ARB2A: variants seen among roughly 807,000 people sequenced by gnomAD.
ARB2A encodes the protein ARB2 cotranscriptional regulator A.
the ARB2A span, among the ~76,000 whole-genome samples, chr5:93,995,179 G>C: frequency 6.6e-6 from 1 of 152,102 alleles, no homozygotes; most frequent in Non-Finnish European, 1.5e-5. Context: ...TAAATTTGTA[G>C]CCACTTCCTG....
the ARB2A span, among the ~76,000 whole-genome samples, chr5:93,942,244 T>C: frequency 6.6e-6 from 1 of 152,182 alleles, no homozygotes; most frequent in African/African-American, 2.4e-5. Flanking sequence ...GGCATGGGGC[T>C]GGGGTGGCCT....
the ARB2A span, among the ~76,000 whole-genome samples, chr5:93,999,685 C>G: frequency 6.6e-6 from 1 of 151,912 alleles, no homozygotes; most frequent in Non-Finnish European, 1.5e-5. Flanking sequence ...CATAATCACC[C>G]AAAGCCCATA....
chr5:93,680,398 T>A, the ARB2A span, among the ~76,000 whole-genome samples: 1 of 152,108 alleles, frequency 6.6e-6, no homozygotes, highest in African/African-American at 2.4e-5. Context: ...CTCAGAGAAC[T>A]TAAGTGATTT....
At chr5:94,082,000 C>T in the ARB2A span, among the ~76,000 whole-genome samples, 5 of 152,288 alleles carry the variant, frequency 3.3e-5, 1 homozygote, top group South Asian at 1.0e-3. Context: ...CCCCTCTCTC[C>T]AGAGCCAGGC....
the ARB2A span, among the ~76,000 whole-genome samples, chr5:93,771,947 C>A: frequency 6.6e-6 from 1 of 152,198 alleles, no homozygotes; most frequent in African/African-American, 2.4e-5. Flanking sequence ...CCAGCCATCC[C>A]ATTACTGGGT....
At chr5:93,850,332 C>A in the ARB2A span, among the ~76,000 whole-genome samples, 11 of 152,122 alleles carry the variant, frequency 7.2e-5, no homozygotes, top group African/African-American at 2.7e-4. Flanking sequence ...TAATTTGGAT[C>A]TAAGGAGCAG....
At chr5:93,853,707 T>G in the ARB2A span, among the ~76,000 whole-genome samples, 1 of 152,226 alleles carries the variant, frequency 6.6e-6, no homozygotes, top group Non-Finnish European at 1.5e-5. Context: ...CTGCATCTAT[T>G]GAGATAATCA....
At chr5:94,034,753 C>A in the ARB2A span, among the ~76,000 whole-genome samples, 1 of 152,174 alleles carries the variant, frequency 6.6e-6, no homozygotes, top group Non-Finnish European at 1.5e-5. Flanking sequence ...GTAGGCCAGG[C>A]GTCCCAAACC....
the ARB2A span, among the ~76,000 whole-genome samples, chr5:94,102,903 A>G: frequency 2.6e-5 from 4 of 152,196 alleles, no homozygotes; most frequent in Admixed American, 2.6e-4. Context: ...CAAGAATTTC[A>G]TATCTAGCCA....
chr5:94,004,512 G>A, the ARB2A span, among the ~76,000 whole-genome samples: 1 of 151,680 alleles, frequency 6.6e-6, no homozygotes, highest in Non-Finnish European at 1.5e-5. Flanking sequence ...AACCTGGGAG[G>A]TAGAGCTTGT....
chr5:93,896,984 A>G, the ARB2A span, among the ~76,000 whole-genome samples: 1 of 152,062 alleles, frequency 6.6e-6, no homozygotes, highest in East Asian at 1.9e-4. Flanking sequence ...TTTTCAGTCT[A>G]TCAGCGCTTG....
At chr5:94,077,466 G>A in the ARB2A span, among the ~76,000 whole-genome samples, 1 of 152,126 alleles carries the variant, frequency 6.6e-6, no homozygotes, top group East Asian at 1.9e-4. Flanking sequence ...CAATTTGTCT[G>A]TTGCTCTCTT....
chr5:93,819,014 C>G, the ARB2A span, among the ~76,000 whole-genome samples: 3 of 151,236 alleles, frequency 2.0e-5, no homozygotes, highest in East Asian at 5.8e-4. Context: ...GGTGAAACCC[C>G]GTCTCTACTA....
chr5:93,761,852 A>T, the ARB2A span, among the ~76,000 whole-genome samples: 6 of 152,194 alleles, frequency 3.9e-5, no homozygotes, highest in African/African-American at 9.7e-5. Context: ...CTCCTCTGAG[A>T]CAAAACTTCC....
the ARB2A span, chr5:93,736,255 G>A: frequency 6.6e-6 from 1 of 152,096 alleles, no homozygotes; most frequent in Non-Finnish European, 1.5e-5. Context: ...GTGTAATCTT[G>A]ATACACCTCC....
the ARB2A span, among the ~76,000 whole-genome samples, chr5:93,960,636 T>C: frequency 6.6e-6 from 1 of 152,194 alleles, no homozygotes; most frequent in African/African-American, 2.4e-5. Flanking sequence ...ACCAGTGACT[T>C]CCTTTAGATA....
At chr5:93,959,133 CAATT>C in the ARB2A span, among the ~76,000 whole-genome samples, 1 of 151,656 alleles carries the variant, frequency 6.6e-6, no homozygotes, top group African/African-American at 2.4e-5. Flanking sequence ...TAGAGGTTAA[CAATT>C]ATATATTAGT....
chr5:93,856,936 A>G, the ARB2A span, among the ~76,000 whole-genome samples: 9 of 151,758 alleles, frequency 5.9e-5, no homozygotes, highest in Middle Eastern at 6.8e-3. Context: ...GTCTTTGATG[A>G]TGGTGATGTA....
the ARB2A span, among the ~76,000 whole-genome samples, chr5:93,828,035 G>T: frequency 1.3e-4 from 20 of 152,264 alleles, no homozygotes; most frequent in African/African-American, 4.8e-4. Context: ...GATGCCTCCA[G>T]CTTTGTTCTT....
Sources: gnomAD v4.1 joint callset for allele counts (sites outside exome capture counted in the v4.1 genomes callset) on GRCh38, gnomAD v4.1.1 for gene constraint, MANE v1.5 for transcripts, NCBI Gene and HGNC (gene_info 2026-07-23, HGNC 2026-07-21) for gene names.